The following PUS10 variants were observed in gnomAD, a reference collection of about 807,000 sequenced individuals.
PUS10 encodes the protein tRNA pseudouridine synthase Pus10.
In PUS10, 59 loss-of-function variants were observed where a neutral mutation model predicts 75.0. That is an observed-to-expected ratio of 0.79 (90% CI 0.64 to 0.98). PUS10 has a LOEUF of 0.98. Ranked by LOEUF, PUS10 falls within the 50% of genes least tolerant of loss-of-function variation. The probability of loss-of-function intolerance (pLI) is 0.00; values close to 1 mark genes in which losing one functional copy is unlikely to be tolerated. For missense variants in PUS10, 650 were observed against 614.4 expected (o/e 1.06, Z -0.61); for synonymous variants, 219 against 211.6 (o/e 1.03, Z -0.30).
chr2:60,994,947 G>C (rs6726281), intron 4 of PUS10, among the ~76,000 whole-genome samples: 1 of 151,992 alleles, frequency 6.6e-6, no homozygotes, highest in African/African-American at 2.4e-5. Flanking sequence ...AAAATCAGCC[G>C]GGCAAGGTGA....
intron 4 of PUS10, among the ~76,000 whole-genome samples, chr2:60,996,109 T>C (rs146128616): frequency 6.6e-6 from 1 of 152,356 alleles, no homozygotes; most frequent in Non-Finnish European, 1.5e-5. Flanking sequence ...CCTGCTTGAC[T>C]GTGGCTTCCT....
intron 4 of PUS10, among the ~76,000 whole-genome samples, chr2:60,994,469 A>G (rs1368242536): frequency 6.6e-6 from 1 of 152,170 alleles, no homozygotes; most frequent in Non-Finnish European, 1.5e-5. Context: ...GTAATAAAAT[A>G]TTTGACTCAA....
chr2:60,974,271 A>G lies in PUS10; in HGVS notation c.469-2714T>C, dbSNP rs980720813. ...TTGCTCTGTCACCAGGCTGGAGTGC[A>G]GTGGTGCGATACCAGCTCACTGCAA... On this transcript the variant is annotated intron_variant, in intron 4 of 17. Coordinates refer to ENST00000316752, the MANE Select transcript of PUS10 (RefSeq NM_144709.4). 2.2e-5 allele frequency among the ~76,000 whole-genome samples: 3 copies of G among 134,124 alleles called. No homozygotes were observed. The Admixed American group carries it at 2.6e-4, about 12-fold the overall frequency. The allele number at this position is 134,124 out of a possible 152,430, so 88.0% of individuals were successfully genotyped here.
chr2:60,941,726 C>T lies in PUS10; in HGVS notation c.*669G>A, dbSNP rs2104038312. 1 of 152,234 alleles carries T rather than the reference C, an allele frequency of 6.6e-6. No homozygotes were observed. Among genetic ancestry groups the T allele is most frequent in the Admixed American group, 6.6e-5 (1 of 15,266 alleles). 9.4% of individuals were successfully genotyped at this position (152,234 alleles called of 1,614,324 possible). A position where few individuals can be genotyped will look rare whatever the true frequency, so the allele number is the denominator to read the frequency against. ...CTCCTACCATGGCATGCCTTGGCTC[C>T]TACGGTTTTACTTTCCCTCCACAGG... On this transcript the variant is annotated 3_prime_UTR_variant, in exon 18 of 18. Transcript: ENST00000316752.
chr2:60,990,935 G>A (rs1472108029), intron 4 of PUS10, among the ~76,000 whole-genome samples: 2 of 152,120 alleles, frequency 1.3e-5, no homozygotes, highest in African/African-American at 4.8e-5. Flanking sequence ...TTGTTGACAT[G>A]AGGTCTTGTT....
intron 3 of PUS10, among the ~76,000 whole-genome samples, chr2:61,008,418 G>T (rs749001143): frequency 6.6e-6 from 1 of 152,136 alleles, no homozygotes; most frequent in Non-Finnish European, 1.5e-5. Context: ...TTGAACCTGG[G>T]AGGCGGAGGC....
At chr2:60,960,011 A>G (rs1253781593) in intron 11 of PUS10, among the ~76,000 whole-genome samples, 1 of 151,544 alleles carries the variant, frequency 6.6e-6, no homozygotes, top group Non-Finnish European at 1.5e-5. Context: ...AGACCCCCCA[A>G]TCTCTAAAAA....
intron 8 of PUS10, among the ~76,000 whole-genome samples, chr2:60,963,654 A>G (rs548120364): frequency 8.5e-5 from 13 of 152,344 alleles, no homozygotes; most frequent in African/African-American, 3.1e-4. Context: ...AATTTTTTCA[A>G]AACCATATTC....
chr2:60,981,753 G>C (rs1026954676), intron 4 of PUS10, among the ~76,000 whole-genome samples: 1 of 152,120 alleles, frequency 6.6e-6, no homozygotes, highest in African/African-American at 2.4e-5. Flanking sequence ...CTTAATAGGA[G>C]ATACCTGGAT....
At position 60,962,884 on chromosome 2, in the gene PUS10, A is replaced by T; in HGVS notation, c.730T>A (p.Phe244Ile). Residue 244 changes from phenylalanine to isoleucine, a missense_variant, in exon 9 of 18, where the codon TTC becomes ATC. Transcript: ENST00000316752. ...GCTTTCATAACTGCCATTCTAGTGA[A>T]TACAGACTATATAGGGTAAAATGAG... ...FKPAKNKQSVFTRMAVMKALN... is the reference protein window; with the variant it reads ...FKPAKNKQSVITRMAVMKALN... 1 of 1,568,022 alleles carries T rather than the reference A, an allele frequency of 6.4e-7. No homozygotes were observed. The highest frequency in any genetic ancestry group is 8.6e-7 in the Non-Finnish European group (1 of 1,163,660).
chr2:60,943,762 TTGTGTGTGTGTGTG>T (rs56232022), intron 17 of PUS10, among the ~76,000 whole-genome samples: 1 of 146,740 alleles, frequency 6.8e-6, no homozygotes, highest in Admixed American at 6.8e-5. Flanking sequence ...GATCACAATC[TTGTGTGTGTGTGTG>T]TGTGTGTGTG....
At chr2:60,993,478 A>G (rs1460445433) in intron 4 of PUS10, among the ~76,000 whole-genome samples, 1 of 152,010 alleles carries the variant, frequency 6.6e-6, no homozygotes, top group African/African-American at 2.4e-5. Flanking sequence ...GAAAAAAAGA[A>G]AGGTCCAAAT....
intron 16 of PUS10, among the ~76,000 whole-genome samples, chr2:60,946,965 CAA>C (rs979611883): frequency 3.3e-5 from 5 of 152,104 alleles, no homozygotes; most frequent in African/African-American, 1.2e-4. Context: ...AAGAAACAAA[CAA>C]AAACTAGGAA....
chr2:60,952,998 T>G lies in PUS10; in HGVS notation c.1307A>C (p.Lys436Thr), dbSNP rs1675436817. 1 of 1,446,520 alleles carries G rather than the reference T, an allele frequency of 6.9e-7. No homozygotes were observed. Among genetic ancestry groups the G allele is most frequent in the South Asian group, 1.1e-5 (1 of 86,974 alleles). The allele number at this position is 1,446,520 out of a possible 1,614,324, so 89.6% of individuals were successfully genotyped here. A position where few individuals can be genotyped will look rare whatever the true frequency, so the allele number is the denominator to read the frequency against. The change falls in exon 15 of 18, where the codon AAG (lysine) becomes ACG (threonine). Residue 436 changes from lysine (K) to threonine (T), a missense_variant and splice_region_variant. Lys to Thr is a moderately conservative substitution (Grantham distance 78). Coordinates refer to ENST00000316752, the MANE Select transcript of PUS10 (RefSeq NM_144709.4). The stretch of plus-strand genomic sequence containing the variant: ...AAAGAATAAGCACACTTAAACTACC[T>G]TTATGTCATTTAGGAATTCAATGTC... Reference protein sequence around the residue: ...KKDIEFLNDIKDLKIDQKTPL... With the variant: ...KKDIEFLNDITDLKIDQKTPL...
chr2:60,957,781 A>G lies in PUS10; in HGVS notation c.1000+2611T>C, dbSNP rs537701890. ...GGCCGTGTGTCCCTGCCCAGAGGAC[A>G]CCCTCAGCCCAGGGGGTGGAGTATA... On this transcript the variant is annotated intron_variant, in intron 11 of 17. Coordinates refer to ENST00000316752, the MANE Select transcript of PUS10 (RefSeq NM_144709.4). 3.9e-5 allele frequency among the ~76,000 whole-genome samples: 6 copies of G among 152,324 alleles called. No individual in the cohort carries two copies. The South Asian group carries it at 1.2e-3, about 32-fold the overall frequency.
intron 15 of PUS10, among the ~76,000 whole-genome samples, chr2:60,950,603 G>A (rs1401340351): frequency 6.6e-6 from 1 of 152,144 alleles, no homozygotes; most frequent in Non-Finnish European, 1.5e-5. Flanking sequence ...ATTTTCAGTA[G>A]ATACGGGGTT....
chr2:61,013,328 A>T (rs1679753275), intron 1 of PUS10, among the ~76,000 whole-genome samples: 1 of 151,648 alleles, frequency 6.6e-6, no homozygotes, highest in Non-Finnish European at 1.5e-5. Context: ...AGGTCATAAG[A>T]CTCCCCATTC....
chr2:60,981,089 C>T (rs1043287750), intron 4 of PUS10, among the ~76,000 whole-genome samples: 19 of 151,956 alleles, frequency 1.3e-4, no homozygotes, highest in Admixed American at 2.6e-4. Flanking sequence ...GATGGGGTTT[C>T]GCCATGTTGG....
chr2:60,979,219 C>T (rs997638006), intron 4 of PUS10, among the ~76,000 whole-genome samples: 1 of 152,128 alleles, frequency 6.6e-6, no homozygotes, highest in Non-Finnish European at 1.5e-5. Context: ...CATTTGGAAA[C>T]TGGGCTCAAT....
Sources: gnomAD v4.1 joint callset for allele counts (sites outside exome capture counted in the v4.1 genomes callset) on GRCh38, gnomAD v4.1.1 for gene constraint, MANE v1.5 for transcripts, NCBI Gene and HGNC (gene_info 2026-07-23, HGNC 2026-07-21) for gene names.